WWOX: variants seen among roughly 807,000 people sequenced by gnomAD.
WWOX encodes WW domain containing oxidoreductase.
Under a neutral mutation model 46.2 loss-of-function variants are expected in WWOX, and 69 were observed. The observed-to-expected ratio is 1.49, with a 90% CI of 1.23 to 1.82. The LOEUF (loss-of-function observed/expected upper bound fraction) is 1.82. Among genes scored for constraint, WWOX ranks in the 40% most tolerant of loss-of-function variants. WWOX has a pLI of 0.00. For missense variants in WWOX, 919 were observed against 542.6 expected (o/e 1.69, Z -6.89); for synonymous variants, 359 against 202.6 (o/e 1.77, Z -6.56).
chr16:78,680,220 A>C (rs2047697263), intron 8 of WWOX, among the ~76,000 whole-genome samples: 2 of 152,088 alleles, frequency 1.3e-5, no homozygotes, highest in African/African-American at 4.8e-5. Context: ...GACCAGCCTG[A>C]GCAGCATAAC....
chr16:78,342,912 A>C (rs2081040243), intron 5 of WWOX, among the ~76,000 whole-genome samples: 1 of 120,630 alleles, frequency 8.3e-6, no homozygotes, highest in Non-Finnish European at 2.0e-5. Flanking sequence ...CATTTCATGA[A>C]ACTGAAGCAT....
At chr16:79,166,106 A>G (rs192183607) in intron 8 of WWOX, among the ~76,000 whole-genome samples, 2 of 152,348 alleles carry the variant, frequency 1.3e-5, no homozygotes, top group African/African-American at 4.8e-5. Context: ...GTCTTCAGAC[A>G]AGTTGGGGTA....
In WWOX at chr16:78,582,670, C is replaced by T. The variant is rs568591366; in HGVS notation, c.1056+149918C>T. Reference sequence around the variant, plus strand: ...ATACCTCTATCTCCGCTTAGTCATTCCTGGTGGGTGACTGATGACCCCTGC... The same window carrying T: ...ATACCTCTATCTCCGCTTAGTCATTTCTGGTGGGTGACTGATGACCCCTGC... On this transcript the variant is annotated intron_variant, in intron 8 of 8. Transcript: ENST00000566780. Among the ~76,000 whole-genome samples the T allele has an allele frequency of 1.6e-3, 240 of 152,150 alleles. 1 individual carries two copies. Among genetic ancestry groups the T allele is most frequent in the Non-Finnish European group, 3.0e-3 (201 of 68,038 alleles).
intron 5 of WWOX, among the ~76,000 whole-genome samples, chr16:78,329,569 C>G (rs1371513711): frequency 6.6e-6 from 1 of 152,198 alleles, no homozygotes; most frequent in African/African-American, 2.4e-5. Context: ...TTTGGATGAA[C>G]TTTGTGGCAT....
At chr16:78,895,680 A>G (rs564836032) in intron 8 of WWOX, 4 of 152,182 alleles carry the variant, frequency 2.6e-5, no homozygotes, top group Admixed American at 6.5e-5. Flanking sequence ...TTCTACTACT[A>G]TTATCTTGCC....
intron 6 of WWOX, among the ~76,000 whole-genome samples, chr16:78,387,407 G>A (rs770479732): frequency 6.6e-6 from 1 of 152,108 alleles, no homozygotes; most frequent in African/African-American, 2.4e-5. Context: ...GTGGTACATG[G>A]ATGTGGTTCC....
At chr16:78,976,602 C>A (rs541581398) in intron 8 of WWOX, among the ~76,000 whole-genome samples, 1 of 152,134 alleles carries the variant, frequency 6.6e-6, no homozygotes, top group Non-Finnish European at 1.5e-5. Flanking sequence ...CATGGCGTTG[C>A]GTTTCCAAGC....
chr16:78,691,112 C>G, intron 8 of WWOX: 1 of 624,856 alleles, frequency 1.6e-6, no homozygotes, highest in South Asian at 1.9e-5. Flanking sequence ...CTTTGAATAC[C>G]AGTCGTTATT....
chr16:78,242,461 A>C (rs2037685564), intron 5 of WWOX, among the ~76,000 whole-genome samples: 1 of 152,198 alleles, frequency 6.6e-6, no homozygotes, highest in African/African-American at 2.4e-5. Context: ...TGGGTAAATA[A>C]TTCTCTCTCC....
At chr16:78,404,407 C>T (rs903334243) in intron 6 of WWOX, among the ~76,000 whole-genome samples, 1 of 152,124 alleles carries the variant, frequency 6.6e-6, no homozygotes, top group African/African-American at 2.4e-5. Flanking sequence ...ATTATTATGA[C>T]TTAATCCATT....
intron 8 of WWOX, among the ~76,000 whole-genome samples, chr16:78,626,720 T>C (rs2046320013): frequency 6.6e-6 from 1 of 152,164 alleles, no homozygotes; most frequent in Non-Finnish European, 1.5e-5. Context: ...ATGTTCTCAC[T>C]CTTCGAGGGT....
intron 8 of WWOX, among the ~76,000 whole-genome samples, chr16:78,698,776 G>T (rs2048152462): frequency 6.6e-6 from 1 of 152,160 alleles, no homozygotes; most frequent in South Asian, 2.1e-4. Context: ...TGGAGATCAA[G>T]GCTGCAATGA....
At chr16:78,939,331 C>T (rs1222853049) in intron 8 of WWOX, among the ~76,000 whole-genome samples, 1 of 152,164 alleles carries the variant, frequency 6.6e-6, no homozygotes, top group African/African-American at 2.4e-5. Flanking sequence ...TAATGTGTGT[C>T]CCTTACAGAT....
chr16:78,740,345 C>A (rs866275484), intron 8 of WWOX, among the ~76,000 whole-genome samples: 49 of 152,136 alleles, frequency 3.2e-4, no homozygotes, highest in African/African-American at 9.9e-4. Context: ...AATCAAGCAG[C>A]CTCTCTTGAA....
At chr16:78,408,408 G>A (rs1196113041) in intron 6 of WWOX, among the ~76,000 whole-genome samples, 3 of 152,110 alleles carry the variant, frequency 2.0e-5, no homozygotes, top group Admixed American at 6.5e-5. Context: ...CCTTCAGGTA[G>A]GGGAACCACC....
chr16:78,310,779 G>C (rs933435009), intron 5 of WWOX, among the ~76,000 whole-genome samples: 12 of 152,196 alleles, frequency 7.9e-5, no homozygotes, highest in African/African-American at 2.7e-4. Flanking sequence ...AGCTGTGTCA[G>C]CCCATTTTCA....
At chr16:78,868,789 T>C (rs1179995376) in intron 8 of WWOX, among the ~76,000 whole-genome samples, 1 of 152,200 alleles carries the variant, frequency 6.6e-6, no homozygotes, top group Non-Finnish European at 1.5e-5. Context: ...CCTCAGATAA[T>C]GACCATTAAT....
chr16:78,198,148 C>T (rs1039675130), intron 5 of WWOX, among the ~76,000 whole-genome samples: 15 of 152,150 alleles, frequency 9.9e-5, no homozygotes, highest in African/African-American at 2.4e-4. Context: ...GAGTCTGGCT[C>T]CTGGGGCAGG....
chr16:78,606,438 G>C (rs893913883), intron 8 of WWOX, among the ~76,000 whole-genome samples: 1 of 151,716 alleles, frequency 6.6e-6, no homozygotes, highest in African/African-American at 2.4e-5. Context: ...AGAAGTTGAT[G>C]ACCAAGAGAA....
Sources: allele counts gnomAD v4.1 joint callset (sites outside exome capture counted in the v4.1 genomes callset), GRCh38; gene constraint gnomAD v4.1.1; transcripts MANE v1.5; gene names NCBI Gene and HGNC (gene_info 2026-07-23, HGNC 2026-07-21).